PAFAH1B1: variants seen among roughly 807,000 people sequenced by gnomAD.
PAFAH1B1 encodes platelet activating factor acetylhydrolase 1b regulatory subunit 1.
PAFAH1B1 carries 2 observed loss-of-function variants against 57.5 expected under a neutral mutation model. The observed-to-expected ratio is 0.03, with a 90% CI of 0.01 to 0.11. The LOEUF (loss-of-function observed/expected upper bound fraction) is 0.11, where lower values mean the gene tolerates loss of function less well. Ranked by LOEUF, PAFAH1B1 falls within the 10% of genes least tolerant of loss-of-function variation. The pLI is 1.00. For missense variants in PAFAH1B1, 257 were observed against 512.0 expected (o/e 0.50, Z 4.81); for synonymous variants, 152 against 169.6 (o/e 0.90, Z 0.81).
intron 9 of PAFAH1B1, chr17:2,679,804 A>G: frequency 3.5e-6 from 1 of 281,726 alleles, no homozygotes; most frequent in East Asian, 9.2e-5. Context: ...TTTACCCCCA[A>G]GTATTTTAGC....
chr17:2,671,355 C>G (rs572221459), intron 6 of PAFAH1B1, among the ~76,000 whole-genome samples: 1 of 151,376 alleles, frequency 6.6e-6, no homozygotes, highest in Non-Finnish European at 1.5e-5. Context: ...ATTATAGGCA[C>G]GCGCCACCAC....
At chr17:2,644,626 C>T (rs985009974) in intron 2 of PAFAH1B1, among the ~76,000 whole-genome samples, 3 of 152,140 alleles carry the variant, frequency 2.0e-5, no homozygotes, top group Admixed American at 6.6e-5. Flanking sequence ...ACCAGTCTCC[C>T]GTGTTTGGTA....
At chr17:2,666,388 T>C (rs982712517) in intron 4 of PAFAH1B1, among the ~76,000 whole-genome samples, 1 of 152,202 alleles carries the variant, frequency 6.6e-6, no homozygotes, top group African/African-American at 2.4e-5. Flanking sequence ...TTGTGATTAA[T>C]GCTGGGAAAA....
chr17:2,621,700 A>G (rs1254575193), intron 1 of PAFAH1B1, among the ~76,000 whole-genome samples: 4 of 20,732 alleles, frequency 1.9e-4, no homozygotes, highest in African/African-American at 1.4e-3. Context: ...ATCTCAGCTC[A>G]CTGCAACCTC....
chr17:2,602,563 C>G (rs2068157177), intron 1 of PAFAH1B1, among the ~76,000 whole-genome samples: 1 of 152,078 alleles, frequency 6.6e-6, no homozygotes, highest in Non-Finnish European at 1.5e-5. Context: ...ACTACTACTA[C>G]CATCATAGTT....
intron 9 of PAFAH1B1, 46 bp downstream of exon 9, chr17:2,676,652 A>T: frequency 9.1e-7 from 1 of 1,104,136 alleles, no homozygotes. Context: ...TTCACTGTTT[A>T]TACCTTTTTG....
At chr17:2,681,499 T>A (rs2069384386) in intron 10 of PAFAH1B1, 1 of 513,510 alleles carries the variant, frequency 1.9e-6, no homozygotes, top group African/African-American at 1.9e-5. Flanking sequence ...AGGGTCTTGC[T>A]CTGTCACCCA....
At chr17:2,678,400 C>CA (rs11394999) in intron 9 of PAFAH1B1, among the ~76,000 whole-genome samples, 23,355 of 80,554 alleles carry the variant, frequency 0.29, 2,944 homozygotes, top group Middle Eastern at 0.33. Context: ...GAAACCATCT[C>CA]AAAAAAAAAA....
At chr17:2,624,771 G>A (rs1212835323) in intron 1 of PAFAH1B1, among the ~76,000 whole-genome samples, 1 of 152,080 alleles carries the variant, frequency 6.6e-6, no homozygotes, top group Non-Finnish European at 1.5e-5. Context: ...TTGAACTCCT[G>A]GGCTCAAGCG....
At chr17:2,674,582 C>G (rs778090890) in intron 8 of PAFAH1B1, among the ~76,000 whole-genome samples, 1 of 151,990 alleles carries the variant, frequency 6.6e-6, no homozygotes, top group African/African-American at 2.4e-5. Context: ...TAAAACAAAA[C>G]CTGAGGGAGA....
chr17:2,654,471 G>A (rs1026306459), intron 2 of PAFAH1B1, among the ~76,000 whole-genome samples: 21 of 151,888 alleles, frequency 1.4e-4, no homozygotes, highest in African/African-American at 4.6e-4. Flanking sequence ...CACTCCACTC[G>A]GTCTGTCTTT....
intron 2 of PAFAH1B1, among the ~76,000 whole-genome samples, chr17:2,663,357 G>A (rs1445874861): frequency 6.6e-6 from 1 of 152,162 alleles, no homozygotes; most frequent in East Asian, 1.9e-4. Context: ...TAGGCTGTTA[G>A]AACCAAGAGT....
intron 1 of PAFAH1B1, among the ~76,000 whole-genome samples, chr17:2,631,822 T>G (rs1015593939): frequency 9.9e-5 from 15 of 152,214 alleles, no homozygotes; most frequent in African/African-American, 3.6e-4. Flanking sequence ...TGCATGCAGC[T>G]CTGTCCGAAG....
At chr17:2,632,022 C>T (rs1214670862) in intron 1 of PAFAH1B1, among the ~76,000 whole-genome samples, 2 of 152,204 alleles carry the variant, frequency 1.3e-5, no homozygotes, top group Non-Finnish European at 1.5e-5. Context: ...TCATGTATCT[C>T]TCTTATTCAC....
intron 1 of PAFAH1B1, among the ~76,000 whole-genome samples, chr17:2,624,898 T>A (rs2151625576): frequency 6.6e-6 from 1 of 152,344 alleles, no homozygotes; most frequent in East Asian, 1.9e-4. Flanking sequence ...TTAGGAACCA[T>A]TGATAATTGA....
chr17:2,670,214 G>A lies in PAFAH1B1; in HGVS notation c.451G>A (p.Asp151Asn). 6.2e-7 allele frequency: 1 copy of A among 1,614,088 alleles called. No individual in the cohort carries two copies. The highest frequency in any genetic ancestry group is 8.5e-7 in the Non-Finnish European group (1 of 1,179,952). The change falls in exon 6 of 11, where the codon GAC becomes AAC. Residue 151 changes from aspartate to asparagine, a missense_variant. Asp to Asn is a conservative substitution (Grantham distance 23, BLOSUM62 1). Transcript: ENST00000397195. ...DFERTLKGHT[D>N]SVQDISFDHS... Reference sequence around the variant, plus strand: ...TGAACGAACTCTTAAAGGACATACAGACTCTGTACAGGACATTTCATTCGA... The same window carrying A: ...TGAACGAACTCTTAAAGGACATACAAACTCTGTACAGGACATTTCATTCGA...
At chr17:2,633,847 T>C (rs2068586865) in intron 1 of PAFAH1B1, among the ~76,000 whole-genome samples, 1 of 152,170 alleles carries the variant, frequency 6.6e-6, no homozygotes, top group African/African-American at 2.4e-5. Context: ...ACTGTTACTT[T>C]CAGCCTCAGT....
chr17:2,619,014 T>G (rs1052187903), intron 1 of PAFAH1B1, among the ~76,000 whole-genome samples: 3 of 145,938 alleles, frequency 2.1e-5, no homozygotes, highest in Admixed American at 6.8e-5. Flanking sequence ...CCACAAGAGA[T>G]AATTCTTCAC....
At chr17:2,679,703 T>C (rs1487998920) in intron 9 of PAFAH1B1, 3 of 212,928 alleles carry the variant, frequency 1.4e-5, no homozygotes, top group Admixed American at 1.1e-4. Context: ...CTGTATATCC[T>C]TCACTTAGTT....
Sources: allele counts gnomAD v4.1 joint callset (sites outside exome capture counted in the v4.1 genomes callset), GRCh38; gene constraint gnomAD v4.1.1; transcripts MANE v1.5; gene names NCBI Gene and HGNC (gene_info 2026-07-23, HGNC 2026-07-21).